Variants in VEGFC observed in about 807,000 individuals in gnomAD.
The protein encoded by VEGFC is vascular endothelial growth factor C.
Under a neutral mutation model 46.1 loss-of-function variants are expected in VEGFC, and 12 were observed. The ratio of observed to expected loss-of-function variants is 0.26; its 90% CI spans 0.17 to 0.42. The LOEUF is 0.42. VEGFC is among the 10% of genes least tolerant of loss of function. The pLI is 1.00. For synonymous variants in VEGFC, 232 were observed against 195.5 expected, an observed-to-expected ratio of 1.19 and a Z score of -1.56; for missense variants, 488 against 529.4, an observed-to-expected ratio of 0.92 and a Z score of 0.77.
chr4:176,742,796 T>C (rs1180157677), intron 1 of VEGFC, among the ~76,000 whole-genome samples: 2 of 152,026 alleles, frequency 1.3e-5, no homozygotes, highest in Admixed American at 6.6e-5. Flanking sequence ...TTTATTCAAA[T>C]TCCCCCATGA....
intron 1 of VEGFC, among the ~76,000 whole-genome samples, chr4:176,773,918 C>T (rs13107976): frequency 0.81 from 122,761 of 152,036 alleles, 51,846 homozygotes; most frequent in East Asian, 1. Context: ...TGGTCGTGAA[C>T]TCTTTTTTAA....
At chr4:176,733,478 T>C (rs1438494637) in intron 1 of VEGFC, among the ~76,000 whole-genome samples, 1 of 151,896 alleles carries the variant, frequency 6.6e-6, no homozygotes, top group African/African-American at 2.4e-5. Context: ...CTCAAATGCA[T>C]TAAAACAAGT....
intron 1 of VEGFC, among the ~76,000 whole-genome samples, chr4:176,739,621 A>G (rs985698369): frequency 2.6e-5 from 4 of 151,770 alleles, no homozygotes; most frequent in Non-Finnish European, 5.9e-5. Context: ...TAGGGAACGC[A>G]TCGGAAGAAT....
intron 4 of VEGFC, among the ~76,000 whole-genome samples, chr4:176,710,652 T>G (rs571774662): frequency 6.6e-6 from 1 of 152,324 alleles, no homozygotes; most frequent in South Asian, 2.1e-4. Flanking sequence ...ATACATTTGT[T>G]ACAAATGCTA....
chr4:176,760,179 A>C (rs2110908985), intron 1 of VEGFC, among the ~76,000 whole-genome samples: 1 of 152,290 alleles, frequency 6.6e-6, no homozygotes, highest in African/African-American at 2.4e-5. Flanking sequence ...GCTTTGGAAA[A>C]TATAGAGCAA....
At chr4:176,774,432 CG>C (rs1735777516) in intron 1 of VEGFC, among the ~76,000 whole-genome samples, 1 of 152,100 alleles carries the variant, frequency 6.6e-6, no homozygotes. Context: ...CACTTCTGCT[CG>C]TCACTCAGCC....
At chr4:176,692,809 G>A (rs1425751276) in intron 4 of VEGFC, among the ~76,000 whole-genome samples, 3 of 146,370 alleles carry the variant, frequency 2.0e-5, no homozygotes, top group African/African-American at 8.0e-5. Flanking sequence ...CCTCAAGTGG[G>A]TCCCTGACCC....
Position 176,792,385 on chromosome 4 carries a change from C to T in VEGFC, c.-74G>A, listed in dbSNP as rs887559219. ...TGGGGGCGCGGGCGCCCCTGCGAGG[C>T]CGCGGGCCCCTCCTGGTCCCTCTCC... On this transcript the variant is annotated 5_prime_UTR_variant, in exon 1 of 7. Coordinates refer to ENST00000618562, the MANE Select transcript of VEGFC (RefSeq NM_005429.5). This position sits in a 1 kb window ranked among gnomAD's most constrained non-coding sequence, Gnocchi z 6.3. The T allele has an allele frequency of 1.1e-5, 13 of 1,214,912 alleles. No individual in the cohort carries two copies. In the East Asian group the frequency reaches 1.6e-4, roughly 15 times the overall value. 75.3% of individuals were successfully genotyped at this position (1,214,912 alleles called of 1,614,324 possible). A position where few individuals can be genotyped will look rare whatever the true frequency, so the allele number is the denominator to read the frequency against.
intron 3 of VEGFC, among the ~76,000 whole-genome samples, chr4:176,722,910 A>G (rs961632761): frequency 6.6e-6 from 1 of 152,154 alleles, no homozygotes; most frequent in Non-Finnish European, 1.5e-5. Flanking sequence ...TTTCACTCCA[A>G]TACCCACTGG....
At chr4:176,736,281 A>G (rs1051962093) in intron 1 of VEGFC, among the ~76,000 whole-genome samples, 1 of 151,826 alleles carries the variant, frequency 6.6e-6, no homozygotes, top group African/African-American at 2.4e-5. Flanking sequence ...TAAATATCCT[A>G]TAGGTAAATT....
chr4:176,730,923 AAAAAT>A (rs1734952349), intron 1 of VEGFC, among the ~76,000 whole-genome samples: 1 of 152,108 alleles, frequency 6.6e-6, no homozygotes, highest in African/African-American at 2.4e-5. Flanking sequence ...AGAGCCTCCT[AAAAAT>A]AAAAGTCAAT....
chr4:176,773,817 G>A (rs142801368), intron 1 of VEGFC, among the ~76,000 whole-genome samples: 1 of 151,776 alleles, frequency 6.6e-6, no homozygotes, highest in Non-Finnish European at 1.5e-5. Context: ...GGAGTACTTG[G>A]GTATATGCCA....
chr4:176,735,157 A>C (rs1212936140), intron 1 of VEGFC, among the ~76,000 whole-genome samples: 1 of 151,870 alleles, frequency 6.6e-6, no homozygotes, highest in African/African-American at 2.4e-5. Context: ...AAAATAAATG[A>C]TCCAAATACA....
At chr4:176,743,250 G>A (rs186319354) in intron 1 of VEGFC, among the ~76,000 whole-genome samples, 1 of 152,080 alleles carries the variant, frequency 6.6e-6, no homozygotes, top group Non-Finnish European at 1.5e-5. Flanking sequence ...GTAGATGATA[G>A]AAGCTTGTTT....
chr4:176,774,507 T>A (rs1423148662), intron 1 of VEGFC, among the ~76,000 whole-genome samples: 1 of 152,194 alleles, frequency 6.6e-6, no homozygotes, highest in African/African-American at 2.4e-5. Context: ...TGTTTATTTT[T>A]GTGGCAAACA....
At chr4:176,781,008 CAG>C (rs1289545861) in intron 1 of VEGFC, among the ~76,000 whole-genome samples, 17 of 152,152 alleles carry the variant, frequency 1.1e-4, no homozygotes, top group African/African-American at 2.9e-4. Context: ...TGGTCTCTAA[CAG>C]AGCAGGCTTC....
At chr4:176,780,387 A>AAAAAAAAAAAAAAAAAAAAC (rs541639588) in intron 1 of VEGFC, among the ~76,000 whole-genome samples, 2 of 114,780 alleles carry the variant, frequency 1.7e-5, no homozygotes, top group Non-Finnish European at 3.4e-5. Context: ...ATCTCAAAAA[A>AAAAAAAAAAAAAAAAAAAAC]AAAAAAAAAA....
chr4:176,702,626 C>A (rs949772431), intron 4 of VEGFC, among the ~76,000 whole-genome samples: 1 of 151,994 alleles, frequency 6.6e-6, no homozygotes, highest in African/African-American at 2.4e-5. Context: ...CTGAAATCAA[C>A]CTGGTTTATT....
chr4:176,782,817 T>A (rs758897825), intron 1 of VEGFC, among the ~76,000 whole-genome samples: 1 of 151,358 alleles, frequency 6.6e-6, no homozygotes, highest in East Asian at 1.9e-4. Context: ...AGAAAAAAAA[T>A]TCTGTTTAAA....
Sources: gnomAD v4.1 joint callset for allele counts (sites outside exome capture counted in the v4.1 genomes callset) on GRCh38, gnomAD v4.1.1 for gene constraint, Gnocchi (gnomAD v3.1) non-coding constraint, MANE v1.5 for transcripts, NCBI Gene and HGNC (gene_info 2026-07-23, HGNC 2026-07-21) for gene names.